MCM9: variants seen among roughly 807,000 people sequenced by gnomAD.
MCM9 encodes DNA helicase MCM9.
Under a neutral mutation model 72.8 loss-of-function variants are expected in MCM9, and 55 were observed. The observed-to-expected ratio is 0.76, with a 90% CI of 0.61 to 0.95. The LOEUF is 0.95. MCM9 is among the 40% of genes least tolerant of loss of function. MCM9 has a pLI of 0.00. For synonymous variants in MCM9, 480 were observed against 503.4 expected (o/e 0.95, Z 0.62); for missense variants, 1,279 against 1,377.0 (o/e 0.93, Z 1.13).
chr6:118,908,268 G>A (rs1423145454), intron 8 of MCM9: 1 of 152,028 alleles, frequency 6.6e-6, no homozygotes, highest in Non-Finnish European at 1.5e-5. Context: ...TATGGTTTTT[G>A]TTCTTATAAC....
chr6:118,867,881 T>TTTC (rs1777323813), intron 8 of MCM9, among the ~76,000 whole-genome samples: 1 of 146,194 alleles, frequency 6.8e-6, no homozygotes, highest in Non-Finnish European at 1.5e-5. Flanking sequence ...TTCTTTTTCT[T>TTTC]TTTCTTTTTT....
chr6:118,897,519 A>G (rs947465358), intron 8 of MCM9, among the ~76,000 whole-genome samples: 1 of 152,104 alleles, frequency 6.6e-6, no homozygotes, highest in African/African-American at 2.4e-5. Context: ...ATGGTGCTTC[A>G]TACTTTCCAA....
chr6:118,897,097 C>T (rs1469782847), intron 8 of MCM9, among the ~76,000 whole-genome samples: 3 of 152,120 alleles, frequency 2.0e-5, no homozygotes, highest in Non-Finnish European at 4.4e-5. Flanking sequence ...CCCCTGCCTC[C>T]CATAGTGTTG....
At chr6:118,893,843 A>C (rs1779118611) in intron 8 of MCM9, among the ~76,000 whole-genome samples, 1 of 49,336 alleles carries the variant, frequency 2.0e-5, no homozygotes. Context: ...AAACCAAAAA[A>C]ACAAAAAAAA....
intron 6 of MCM9, 53 bp downstream of exon 6, chr6:118,917,508 C>A: frequency 6.6e-7 from 1 of 1,522,418 alleles, no homozygotes. Context: ...TCATATTTAA[C>A]CACTGAATGT....
chr6:118,840,570 G>A (rs1295322855), intron 9 of MCM9, among the ~76,000 whole-genome samples: 1 of 152,020 alleles, frequency 6.6e-6, no homozygotes, highest in Non-Finnish European at 1.5e-5. Flanking sequence ...TTTGTAGACT[G>A]TCTGACATTT....
chr6:118,920,706 T>G (rs1206887332), intron 5 of MCM9: 1 of 152,180 alleles, frequency 6.6e-6, no homozygotes, highest in African/African-American at 2.4e-5. Flanking sequence ...ATGTGCCTGC[T>G]CCCCCTCTCC....
At chr6:118,889,085 T>C (rs757915622) in intron 8 of MCM9, among the ~76,000 whole-genome samples, 1 of 152,228 alleles carries the variant, frequency 6.6e-6, no homozygotes, top group Non-Finnish European at 1.5e-5. Flanking sequence ...GTGAATTCTA[T>C]CTCAACAAAG....
chr6:118,843,641 C>CAT lies in MCM9; in HGVS notation c.1325+12728_1325+12729dup, dbSNP rs763509537. Among the ~76,000 whole-genome samples the CAT allele has an allele frequency of 2.6e-4, 17 of 66,270 alleles. 1 individual carries two copies. Among genetic ancestry groups the CAT allele is most frequent in the African/African-American group, 4.7e-4 (6 of 12,664 alleles). 43.5% of individuals were successfully genotyped at this position (66,270 alleles called of 152,430 possible). The stretch of plus-strand genomic sequence containing the variant: ...CTCAAAAAAACAAAACAAAACAAAA[C>CAT]ATATATATATATATGTGTATATATA... On this transcript the variant is annotated intron_variant, in intron 9 of 13. Coordinates refer to ENST00000619706, the MANE Select transcript of MCM9 (RefSeq NM_017696.3).
chr6:118,838,544 C>A (rs1177174560), intron 9 of MCM9, among the ~76,000 whole-genome samples: 1 of 151,954 alleles, frequency 6.6e-6, no homozygotes, highest in African/African-American at 2.4e-5. Context: ...CCTGCCTCAG[C>A]CCCCTGAGTA....
chr6:118,833,539 T>C (rs1774737859), intron 9 of MCM9, among the ~76,000 whole-genome samples: 1 of 152,042 alleles, frequency 6.6e-6, no homozygotes, highest in Non-Finnish European at 1.5e-5. Flanking sequence ...CAGGCGTACA[T>C]AGATAAAGGA....
intron 8 of MCM9, among the ~76,000 whole-genome samples, chr6:118,883,341 T>C (rs1486571121): frequency 6.6e-6 from 1 of 151,998 alleles, no homozygotes; most frequent in Admixed American, 6.6e-5. Context: ...CAAAGAAATG[T>C]TGTACACCTT....
chr6:118,859,253 T>C (rs1776759740), intron 8 of MCM9, among the ~76,000 whole-genome samples: 1 of 152,178 alleles, frequency 6.6e-6, no homozygotes, highest in Admixed American at 6.5e-5. Context: ...ACATGTAATA[T>C]AAAAATTAAT....
chr6:118,867,342 G>A (rs909445773), intron 8 of MCM9, among the ~76,000 whole-genome samples: 2 of 152,286 alleles, frequency 1.3e-5, no homozygotes, highest in South Asian at 4.1e-4. Flanking sequence ...TTATAACGCT[G>A]TAACACAAAG....
chr6:118,828,290 T>C (rs1204230802), intron 10 of MCM9, among the ~76,000 whole-genome samples, 160 bp from the exon 11 acceptor site: 1 of 152,202 alleles, frequency 6.6e-6, no homozygotes, highest in African/African-American at 2.4e-5. Flanking sequence ...AATCAGCATC[T>C]TATGATCTAA....
intron 8 of MCM9, among the ~76,000 whole-genome samples, chr6:118,857,626 C>CAAAAAAAAAA (rs1203197065): frequency 4.9e-4 from 35 of 70,820 alleles, no homozygotes; most frequent in Admixed American, 1.1e-3. Flanking sequence ...CCAGACTGAC[C>CAAAAAAAAAA]AAAAAAAAAA....
intron 13 of MCM9, among the ~76,000 whole-genome samples, chr6:118,823,748 T>C (rs1773971751): frequency 6.6e-6 from 1 of 152,064 alleles, no homozygotes; most frequent in African/African-American, 2.4e-5. Flanking sequence ...AGAAAGCAGA[T>C]GAGTAAGTTA....
intron 6 of MCM9, among the ~76,000 whole-genome samples, chr6:118,913,864 G>A (rs952079933): frequency 6.6e-6 from 1 of 152,118 alleles, no homozygotes; most frequent in South Asian, 2.1e-4. Context: ...GCCTCCCAAA[G>A]TGCTGGGATT....
Position 118,883,021 on chromosome 6 carries a change from T to C in MCM9, c.1151-26476A>G, listed in dbSNP as rs139279834. ...TGTGAGAGGATCCAGATTTCAAATG[T>C]AGTGGGCAAAGCCTTCAAAGTAGCC... On this transcript the variant is annotated intron_variant, in intron 8 of 13. Transcript: ENST00000619706. 5.7e-4 allele frequency among the ~76,000 whole-genome samples: 75 copies of C among 131,066 alleles called. 1 individual carries two copies. The East Asian group carries it at 0.016, about 28-fold the overall frequency. 86.0% of individuals were successfully genotyped at this position (131,066 alleles called of 152,430 possible).
Sources: gnomAD v4.1 joint callset for allele counts (sites outside exome capture counted in the v4.1 genomes callset) on GRCh38, gnomAD v4.1.1 for gene constraint, MANE v1.5 for transcripts, NCBI Gene and HGNC (gene_info 2026-07-23, HGNC 2026-07-21) for gene names.